The following SPAG16 variants were observed in gnomAD, a reference collection of about 807,000 sequenced individuals.
SPAG16 encodes the protein sperm-associated antigen 16 protein.
In SPAG16, 86 loss-of-function variants were observed where a neutral mutation model predicts 80.4. The observed-to-expected ratio is 1.07, with a 90% CI of 0.90 to 1.28. The LOEUF (loss-of-function observed/expected upper bound fraction) is 1.28, where lower values mean the gene tolerates loss of function less well. Among genes scored for constraint, SPAG16 ranks in the 50% most tolerant of loss-of-function variants. The pLI is 0.00. For missense variants in SPAG16, 870 were observed against 765.3 expected (o/e 1.14, Z -1.61); for synonymous variants, 294 against 265.9 (o/e 1.11, Z -1.03).
intron 10 of SPAG16, among the ~76,000 whole-genome samples, chr2:213,708,512 G>A (rs540831358): frequency 1.3e-5 from 2 of 152,276 alleles, no homozygotes; most frequent in Admixed American, 1.3e-4. Flanking sequence ...GACCAGCCTG[G>A]GCTGGGTGTG....
intron 14 of SPAG16, among the ~76,000 whole-genome samples, chr2:214,141,991 C>G (rs1417209034): frequency 6.6e-6 from 1 of 152,126 alleles, no homozygotes; most frequent in Non-Finnish European, 1.5e-5. Context: ...TTTACATTAT[C>G]TTCTTTTGGA....
chr2:213,838,754 G>A (rs978018053), intron 10 of SPAG16, among the ~76,000 whole-genome samples: 1 of 152,168 alleles, frequency 6.6e-6, no homozygotes, highest in African/African-American at 2.4e-5. Context: ...TCCTTGTAAA[G>A]GTTAAAGCAA....
At chr2:213,604,397 A>G (rs1044198754) in intron 10 of SPAG16, among the ~76,000 whole-genome samples, 8 of 152,188 alleles carry the variant, frequency 5.3e-5, no homozygotes, top group African/African-American at 1.7e-4. Context: ...TGAGGCAGAA[A>G]CCATATACAT....
rs533161954 is a variant in SPAG16 at position 213,736,851 on chromosome 2, C to T, written c.1071-125634C>T. 6.3e-4 allele frequency among the ~76,000 whole-genome samples: 96 copies of T among 151,724 alleles called. 3 individuals carry two copies. Among genetic ancestry groups the T allele is most frequent in the South Asian group, 5.6e-3 (27 of 4,802 alleles). ...TTCCAAGTAGCTGGGATTACAGGCG[C>T]GCACCACCATGCCCAGCTAATTTTT... On this transcript the variant is annotated intron_variant, in intron 10 of 15. Coordinates refer to ENST00000331683, the MANE Select transcript of SPAG16 (RefSeq NM_024532.5).
At chr2:213,539,407 T>G (rs1054013469) in intron 10 of SPAG16, among the ~76,000 whole-genome samples, 1 of 152,308 alleles carries the variant, frequency 6.6e-6, no homozygotes, top group African/African-American at 2.4e-5. Context: ...CAAAGTGAAA[T>G]TTAGCTGGCC....
At chr2:213,987,038 A>C (rs1559661883) in intron 12 of SPAG16, among the ~76,000 whole-genome samples, 1 of 152,028 alleles carries the variant, frequency 6.6e-6, no homozygotes, top group Non-Finnish European at 1.5e-5. Context: ...GCAAATTTAT[A>C]CTTTATGGGA....
intron 6 of SPAG16, among the ~76,000 whole-genome samples, chr2:213,341,135 G>C (rs988160498): frequency 2.0e-5 from 3 of 152,074 alleles, no homozygotes; most frequent in African/African-American, 7.2e-5. Context: ...GCTACACTTG[G>C]TGTATACTCA....
At chr2:214,276,089 T>C (rs1692442972) in intron 15 of SPAG16, among the ~76,000 whole-genome samples, 1 of 152,218 alleles carries the variant, frequency 6.6e-6, no homozygotes, top group Non-Finnish European at 1.5e-5. Context: ...GTTTAAAGTC[T>C]GTTTTATCAG....
intron 15 of SPAG16, among the ~76,000 whole-genome samples, chr2:214,376,377 A>T (rs1190225793): frequency 6.6e-6 from 1 of 152,174 alleles, no homozygotes; most frequent in Non-Finnish European, 1.5e-5. Flanking sequence ...ATGGATTATG[A>T]AGTAAGTTAA....
At chr2:214,407,896 T>A (rs908033302) in intron 15 of SPAG16, among the ~76,000 whole-genome samples, 1 of 152,164 alleles carries the variant, frequency 6.6e-6, no homozygotes. Context: ...ATACTGTAAA[T>A]GAAGTTGAAC....
intron 15 of SPAG16, among the ~76,000 whole-genome samples, chr2:214,232,282 G>A (rs1688751359): frequency 6.6e-6 from 1 of 151,952 alleles, no homozygotes; most frequent in African/African-American, 2.4e-5. Context: ...AGAGAGTATA[G>A]TATCTTTTAC....
At chr2:213,648,733 A>G (rs944045508) in intron 10 of SPAG16, among the ~76,000 whole-genome samples, 3 of 152,142 alleles carry the variant, frequency 2.0e-5, no homozygotes, top group African/African-American at 7.2e-5. Flanking sequence ...AAACCCACAA[A>G]CTATAAGCAG....
chr2:213,924,831 T>A (rs2078392976), intron 11 of SPAG16, among the ~76,000 whole-genome samples: 1 of 152,170 alleles, frequency 6.6e-6, no homozygotes, highest in South Asian at 2.1e-4. Flanking sequence ...TTTGTTCATA[T>A]GTTTGTATTT....
chr2:213,500,229 AATCC>A (rs1372923486), intron 10 of SPAG16, among the ~76,000 whole-genome samples: 1 of 152,176 alleles, frequency 6.6e-6, no homozygotes, highest in Non-Finnish European at 1.5e-5. Flanking sequence ...TTCTGGATTG[AATCC>A]ATGGGCTTAG....
chr2:213,435,764 A>G (rs895788689), intron 9 of SPAG16, among the ~76,000 whole-genome samples: 4 of 152,198 alleles, frequency 2.6e-5, no homozygotes, highest in African/African-American at 7.2e-5. Context: ...TCACTTTACT[A>G]TAGCAAATTA....
chr2:213,879,028 A>C (rs370292576), intron 11 of SPAG16, among the ~76,000 whole-genome samples: 4 of 152,118 alleles, frequency 2.6e-5, no homozygotes, highest in African/African-American at 9.7e-5. Context: ...TGATACCAGT[A>C]CAATGCTGTT....
intron 13 of SPAG16, among the ~76,000 whole-genome samples, chr2:214,081,979 T>TCC (rs1175166840): frequency 9.2e-5 from 14 of 152,282 alleles, no homozygotes; most frequent in Admixed American, 7.8e-4. Context: ...TTCTGGCCAC[T>TCC]TCCTTCTGAT....
At chr2:213,747,287 G>A (rs1260138470) in intron 10 of SPAG16, among the ~76,000 whole-genome samples, 1 of 151,992 alleles carries the variant, frequency 6.6e-6, no homozygotes, top group African/African-American at 2.4e-5. Context: ...TATTTCAAAA[G>A]AACAAAACAG....
intron 9 of SPAG16, among the ~76,000 whole-genome samples, chr2:213,467,067 G>A (rs1192167958): frequency 3.9e-5 from 6 of 152,190 alleles, no homozygotes; most frequent in African/African-American, 7.2e-5. Context: ...CATTTATGAG[G>A]TGGAGGTCCT....
Sources: gnomAD v4.1 joint callset for allele counts (sites outside exome capture counted in the v4.1 genomes callset) on GRCh38, gnomAD v4.1.1 for gene constraint, MANE v1.5 for transcripts, NCBI Gene and HGNC (gene_info 2026-07-23, HGNC 2026-07-21) for gene names.